Variants in PFKFB3 observed in about 807,000 individuals in gnomAD.
PFKFB3 encodes 6-phosphofructo-2-kinase/fructose-2,6-bisphosphatase 3.
In PFKFB3, 33 loss-of-function variants were observed where a neutral mutation model predicts 68.0. That is an observed-to-expected ratio of 0.49 (90% CI 0.37 to 0.65). PFKFB3 has a LOEUF of 0.65. Ranked by LOEUF, PFKFB3 falls within the 30% of genes least tolerant of loss-of-function variation. The pLI, the probability that PFKFB3 is intolerant of heterozygous loss-of-function variation, is 0.00. For missense variants in PFKFB3, 586 were observed against 712.2 expected (o/e 0.82, Z 2.02); for synonymous variants, 315 against 288.2 (o/e 1.09, Z -0.94).
At chr10:6,224,642 A>G (rs1355777097) in intron 13 of PFKFB3, 1 of 342,714 alleles carries the variant, frequency 2.9e-6, no homozygotes. Flanking sequence ...CACCATGCCC[A>G]GCTAATTTTA....
chr10:6,160,718 C>CAAAAA (rs538580465), intron 1 of PFKFB3, among the ~76,000 whole-genome samples: 8,060 of 78,416 alleles, frequency 0.1, 800 homozygotes, highest in Non-Finnish European at 0.14. Flanking sequence ...GACTCTGTCT[C>CAAAAA]AAAAAAAAAA....
intron 14 of PFKFB3, chr10:6,231,155 C>A (rs1291570721): frequency 4.7e-6 from 4 of 846,908 alleles, no homozygotes; most frequent in Non-Finnish European, 7.8e-6. Flanking sequence ...TGTGATGCAA[C>A]CTTCATTTTT....
At chr10:6,161,288 GC>G (rs1351201078) in intron 1 of PFKFB3, among the ~76,000 whole-genome samples, 2 of 152,004 alleles carry the variant, frequency 1.3e-5, no homozygotes, top group Admixed American at 6.6e-5. Context: ...ACGACTCAGG[GC>G]CTCTGCAAGT....
At chr10:6,294,096 G>A in the PFKFB3 span, 96 of 494,704 alleles carry the variant, frequency 1.9e-4, no homozygotes, top group Middle Eastern at 7.3e-4. Flanking sequence ...CTGAATTGGC[G>A]CACCAGAAAC....
chr10:6,292,323 C>T, the PFKFB3 span, among the ~76,000 whole-genome samples: 94 of 111,550 alleles, frequency 8.4e-4, 2 homozygotes, highest in Middle Eastern at 0.011. Context: ...CTCACTCTGT[C>T]GCCCAGGCTG....
chr10:6,148,398 TATCAA>T (rs1253048393), intron 1 of PFKFB3, among the ~76,000 whole-genome samples: 102 of 152,304 alleles, frequency 6.7e-4, no homozygotes, highest in African/African-American at 2.4e-3. Flanking sequence ...GCAGGAACCA[TATCAA>T]GTGGGTGGTG....
intron 1 of PFKFB3, among the ~76,000 whole-genome samples, chr10:6,210,509 C>T (rs567269678): frequency 2.6e-5 from 3 of 114,906 alleles, no homozygotes; most frequent in African/African-American, 8.0e-5. Flanking sequence ...TACAGGCGCC[C>T]GCCAACATGG....
rs1842783580 is a variant in PFKFB3, at chr10:6,183,617, ATAT to A, written c.17-30005_17-30003del. Among the ~76,000 whole-genome samples, 229 of 68,826 alleles carry A rather than the reference ATAT, an allele frequency of 3.3e-3. 1 individual carries two copies. The highest frequency in any genetic ancestry group is 9.3e-3 in the South Asian group (25 of 2,682). 45.2% of individuals were successfully genotyped at this position (68,826 alleles called of 152,430 possible). A position where few individuals can be genotyped will look rare whatever the true frequency, so the allele number is the denominator to read the frequency against. ...CAGCCTGGTCAAAAAAAAAAAAAAT[ATAT>A]ATATATATATATGTATATAAATAAT... On this transcript the variant is annotated intron_variant, in intron 1 of 14. Coordinates refer to the PFKFB3 transcript ENST00000379789.
Position 6,157,505 on chromosome 10 carries a change from C to A in PFKFB3, c.16+12492C>A, listed in dbSNP as rs149664491. Among the ~76,000 whole-genome samples, 1,509 of 152,310 alleles carry A rather than the reference C, an allele frequency of 9.9e-3. 22 individuals are homozygous for A. The highest frequency in any genetic ancestry group is 0.033 in the African/African-American group (1,392 of 41,570). Reference sequence around the variant, plus strand: ...CCTCCCAAAGTGCTGGGATTACAGGCATGAGCCACGGCGCCCAGCCAATAG... The same window carrying A: ...CCTCCCAAAGTGCTGGGATTACAGGAATGAGCCACGGCGCCCAGCCAATAG... On this transcript the variant is annotated intron_variant, in intron 1 of 14. Transcript: ENST00000379789.
At chr10:6,216,593 C>T in intron 4 of PFKFB3, 113 bp from the exon 5 acceptor site, 1 of 790,384 alleles carries the variant, frequency 1.3e-6, no homozygotes, top group Non-Finnish European at 2.2e-6. Flanking sequence ...TCCCCTGAAG[C>T]ACTTTTGGGG....
intron 14 of PFKFB3, among the ~76,000 whole-genome samples, chr10:6,249,547 T>C (rs1467331941): frequency 6.6e-6 from 1 of 152,164 alleles, no homozygotes; most frequent in Non-Finnish European, 1.5e-5. Context: ...ACAACATGGA[T>C]GGAATTGGAA....
chr10:6,196,866 T>C (rs11257194), intron 1 of PFKFB3, among the ~76,000 whole-genome samples: 31,049 of 151,878 alleles, frequency 0.2, 5,233 homozygotes, highest in African/African-American at 0.46. Context: ...GGTCTCAAAT[T>C]CCTGTCCTTA....
downstream of PFKFB3, among the ~76,000 whole-genome samples, chr10:6,235,989 A>G (rs1846002156): frequency 6.7e-6 from 1 of 148,754 alleles, no homozygotes; most frequent in Admixed American, 6.7e-5. Context: ...CTGATCTTGA[A>G]CTCCTGGCCT....
upstream of PFKFB3, among the ~76,000 whole-genome samples, chr10:6,200,853 C>G (rs1016308471): frequency 3.9e-5 from 6 of 152,154 alleles, no homozygotes; most frequent in African/African-American, 9.7e-5. Context: ...ACATCAACTC[C>G]CTGTGCCCTA....
rs111899780 is a variant in PFKFB3, at chr10:6,172,032, T to C, written c.16+27019T>C. On this transcript the variant is annotated intron_variant, in intron 1 of 14. Coordinates refer to the PFKFB3 transcript ENST00000379789. The stretch of plus-strand genomic sequence containing the variant: ...TTTTGCCGCCGTACTCCATTGAGAG[T>C]CTTAGTCATGGAGGGAAACCCGAAA... 3.1e-3 allele frequency among the ~76,000 whole-genome samples: 478 copies of C among 152,046 alleles called. 2 individuals carry two copies. Among genetic ancestry groups the C allele is most frequent in the African/African-American group, 0.011 (449 of 41,480 alleles).
intron 14 of PFKFB3, 26 bp from the exon 15 acceptor site, chr10:6,232,869 C>A: frequency 6.2e-7 from 1 of 1,603,848 alleles, no homozygotes; most frequent in Non-Finnish European, 8.5e-7. Context: ...AACTCCCTCC[C>A]CACCTCTCTT....
chr10:6,152,404 T>C (rs1466793001), intron 1 of PFKFB3: 3 of 152,346 alleles, frequency 2.0e-5, no homozygotes, highest in Admixed American at 2.0e-4. Context: ...TGAGCCTCCA[T>C]GGAGGCTCCC....
chr10:6,266,870 CGAA>C, the PFKFB3 span, among the ~76,000 whole-genome samples: 1 of 152,230 alleles, frequency 6.6e-6, no homozygotes, highest in African/African-American at 2.4e-5. Flanking sequence ...CTCATGCGTG[CGAA>C]GCAGGCCTTG....
At chr10:6,183,647 T>G (rs1564604152) in intron 1 of PFKFB3, among the ~76,000 whole-genome samples, 1 of 148,292 alleles carries the variant, frequency 6.7e-6, no homozygotes, top group East Asian at 1.9e-4. Flanking sequence ...ATAAATAATA[T>G]ATAAATAATT....
Sources: gnomAD v4.1 joint callset for allele counts (sites outside exome capture counted in the v4.1 genomes callset) on GRCh38, gnomAD v4.1.1 for gene constraint, MANE v1.5 for transcripts, NCBI Gene and HGNC (gene_info 2026-07-23, HGNC 2026-07-21) for gene names.